RGSL1: variants seen among roughly 807,000 people sequenced by gnomAD.
RGSL1 encodes regulator of G protein signaling like 1.
Under a neutral mutation model 124.7 loss-of-function variants are expected in RGSL1, and 97 were observed. The ratio of observed to expected loss-of-function variants is 0.78; its 90% confidence interval spans 0.66 to 0.92. RGSL1 has a LOEUF of 0.92. Ranked by LOEUF, RGSL1 falls within the 40% of genes least tolerant of loss-of-function variation. The pLI is 0.00. For missense variants in RGSL1, 1,233 were observed against 1,288.4 expected, an observed-to-expected ratio of 0.96 and a Z score of 0.66; for synonymous variants, 424 against 438.1, an observed-to-expected ratio of 0.97 and a Z score of 0.40.
intron 4 of RGSL1, among the ~76,000 whole-genome samples, chr1:182,463,876 T>C (rs1215248945): frequency 6.6e-6 from 1 of 152,170 alleles, no homozygotes; most frequent in African/African-American, 2.4e-5. Context: ...CTAAAAGACA[T>C]ATACAGGACA....
intron 9 of RGSL1, among the ~76,000 whole-genome samples, chr1:182,508,386 G>C (rs993154512): frequency 4.0e-5 from 5 of 126,058 alleles, no homozygotes; most frequent in African/African-American, 1.2e-4. Flanking sequence ...TGCAACCTCC[G>C]CCTCCCGGGT....
intron 11 of RGSL1, among the ~76,000 whole-genome samples, chr1:182,528,250 G>A (rs1174988920): frequency 2.6e-5 from 4 of 151,558 alleles, no homozygotes; most frequent in Non-Finnish European, 5.9e-5. Flanking sequence ...ATCTCCACCT[G>A]GTCCTGCCCG....
At chr1:182,532,015 T>C (rs1659207598) in intron 13 of RGSL1, among the ~76,000 whole-genome samples, 1 of 152,188 alleles carries the variant, frequency 6.6e-6, no homozygotes, top group Non-Finnish European at 1.5e-5. Flanking sequence ...GCTTTCTGTC[T>C]AAAGCGAGGC....
chr1:182,454,592 G>A (rs563449226), intron 2 of RGSL1, among the ~76,000 whole-genome samples: 2 of 81,646 alleles, frequency 2.4e-5, no homozygotes, highest in African/African-American at 6.2e-5. Flanking sequence ...TTGTATGTGT[G>A]TGTGTGTGTG....
intron 14 of RGSL1, among the ~76,000 whole-genome samples, chr1:182,533,615 C>T (rs1281941869): frequency 6.6e-6 from 1 of 152,164 alleles, no homozygotes; most frequent in African/African-American, 2.4e-5. Flanking sequence ...TCTGTCACTT[C>T]CTAGTTGAAG....
chr1:182,534,555 C>A (rs549494636), intron 14 of RGSL1, among the ~76,000 whole-genome samples: 12 of 152,156 alleles, frequency 7.9e-5, no homozygotes, highest in Non-Finnish European at 4.4e-5. Flanking sequence ...AGGCTGGGCA[C>A]GGTGGCTTAC....
chr1:182,545,446 A>G (rs1660150823), intron 15 of RGSL1, among the ~76,000 whole-genome samples: 1 of 152,116 alleles, frequency 6.6e-6, no homozygotes, highest in Admixed American at 6.5e-5. Context: ...GCACACCACA[A>G]TTACTATATT....
intron 4 of RGSL1, among the ~76,000 whole-genome samples, chr1:182,468,878 T>C (rs1653577251): frequency 6.6e-6 from 1 of 152,040 alleles, no homozygotes; most frequent in Non-Finnish European, 1.5e-5. Flanking sequence ...ACATATATGG[T>C]AAAATGATTT....
intron 21 of RGSL1, among the ~76,000 whole-genome samples, 167 bp downstream of exon 21, chr1:182,556,389 C>A (rs1428364612): frequency 1.3e-5 from 2 of 152,196 alleles, no homozygotes; most frequent in African/African-American, 4.8e-5. Context: ...TCACTGAAGG[C>A]AATCAGGAGC....
At position 182,450,295 on chromosome 1, in the gene RGSL1, T is replaced by C. The variant is rs1651708901; in HGVS notation, c.13+117T>C. On this transcript the variant is annotated intron_variant, in intron 1 of 21. Coordinates refer to ENST00000294854, the MANE Select transcript of RGSL1 (RefSeq NM_001137669.2). ...TCAGGGGCACCATGGGTGACTTTTG[T>C]GTTATTCATGCCTTTGTTTTCCTTC... 16 of 1,105,884 alleles carry C rather than the reference T, an allele frequency of 1.4e-5. No individual in the cohort carries two copies. The East Asian group carries it at 4.1e-4, about 28-fold the overall frequency. 68.5% of individuals were successfully genotyped at this position (1,105,884 alleles called of 1,614,324 possible). A position where few individuals can be genotyped will look rare whatever the true frequency, so the allele number is the denominator to read the frequency against.
At chr1:182,527,937 C>T (rs1443470583) in intron 11 of RGSL1, among the ~76,000 whole-genome samples, 165 bp downstream of exon 11, 1 of 152,088 alleles carries the variant, frequency 6.6e-6, no homozygotes, top group South Asian at 2.1e-4. Flanking sequence ...AAGCAGAGAA[C>T]AGTAATAATA....
chr1:182,551,960 A>G (rs1463302641), intron 18 of RGSL1, among the ~76,000 whole-genome samples: 2 of 152,202 alleles, frequency 1.3e-5, no homozygotes, highest in African/African-American at 4.8e-5. Context: ...TAGAAGCAAT[A>G]GGTTCTTCCA....
Position 182,472,395 on chromosome 1 carries a change from G to T in RGSL1, c.302-1G>T. On this transcript the variant is annotated splice_acceptor_variant, in intron 4 of 21. Coordinates refer to ENST00000294854, the MANE Select transcript of RGSL1 (RefSeq NM_001137669.2). LOFTEE classifies it high-confidence loss of function. ...CTGTGCCTCTTCTGTCTCACCCGTA[G>T]GTGAAGAATTGGTGGATTTCTGGAT... The T allele has an allele frequency of 6.5e-7, 1 of 1,548,350 alleles. No individual in the cohort carries two copies. Among genetic ancestry groups the T allele is most frequent in the Non-Finnish European group, 8.7e-7 (1 of 1,144,676 alleles).
At chr1:182,538,266 A>C (rs1659672759) in intron 14 of RGSL1, among the ~76,000 whole-genome samples, 1 of 152,178 alleles carries the variant, frequency 6.6e-6, no homozygotes. Context: ...TGGTGGCTCA[A>C]GCCTGTAATC....
chr1:182,502,683 T>A (rs1314336198), intron 9 of RGSL1, among the ~76,000 whole-genome samples: 1 of 152,250 alleles, frequency 6.6e-6, no homozygotes, highest in African/African-American at 2.4e-5. Flanking sequence ...TCTGCATTTA[T>A]AAGTTTCTTT....
chr1:182,483,103 C>A (rs546797967), intron 6 of RGSL1, among the ~76,000 whole-genome samples: 33 of 152,202 alleles, frequency 2.2e-4, no homozygotes, highest in Admixed American at 5.9e-4. Flanking sequence ...ATGGCAGTTG[C>A]CAGCAGCTTC....
chr1:182,537,744 C>A (rs565153380), intron 14 of RGSL1, among the ~76,000 whole-genome samples: 1 of 152,160 alleles, frequency 6.6e-6, no homozygotes, highest in South Asian at 2.1e-4. Context: ...TCGGTGGAAA[C>A]AGGCACTATT....
At chr1:182,479,355 A>C (rs1654526402) in intron 6 of RGSL1, among the ~76,000 whole-genome samples, 1 of 152,218 alleles carries the variant, frequency 6.6e-6, no homozygotes, top group East Asian at 1.9e-4. Flanking sequence ...TATGGCAAGT[A>C]GGAAGAAAAG....
intron 6 of RGSL1, among the ~76,000 whole-genome samples, chr1:182,481,987 A>T (rs1654741593): frequency 6.6e-6 from 1 of 152,158 alleles, no homozygotes; most frequent in Non-Finnish European, 1.5e-5. Flanking sequence ...AAGAAAAGAA[A>T]AAAATACTAG....
Sources: allele counts gnomAD v4.1 joint callset (sites outside exome capture counted in the v4.1 genomes callset), GRCh38; gene constraint gnomAD v4.1.1; transcripts MANE v1.5; gene names NCBI Gene and HGNC (gene_info 2026-07-23, HGNC 2026-07-21).